Variants in ELMO1 observed in about 807,000 individuals in gnomAD.
ELMO1 encodes the protein engulfment and cell motility 1, also known as engulfment and cell motility protein 1.
Under a neutral mutation model 98.9 loss-of-function variants are expected in ELMO1, and 26 were observed. The ratio of observed to expected loss-of-function variants is 0.26; its 90% CI spans 0.19 to 0.36. The LOEUF (loss-of-function observed/expected upper bound fraction) is 0.36. ELMO1 is among the 10% of genes least tolerant of loss of function. The pLI is 1.00. For synonymous variants in ELMO1, 346 were observed against 346.0 expected (o/e 1.00, Z 0.00); for missense variants, 627 against 935.2 (o/e 0.67, Z 4.30).
At chr7:37,179,614 A>G (rs957271594) in intron 13 of ELMO1, among the ~76,000 whole-genome samples, 6 of 152,290 alleles carry the variant, frequency 3.9e-5, no homozygotes, top group African/African-American at 1.4e-4. Flanking sequence ...ACAAAAGGCA[A>G]AATATTTTAG....
intron 13 of ELMO1, among the ~76,000 whole-genome samples, chr7:37,157,584 A>C (rs1396053528): frequency 6.6e-6 from 1 of 152,216 alleles, no homozygotes; most frequent in African/African-American, 2.4e-5. Context: ...TAAAATACCT[A>C]GGAATCCAAC....
intron 13 of ELMO1, among the ~76,000 whole-genome samples, chr7:37,160,007 G>A (rs1789094331): frequency 6.6e-6 from 1 of 152,130 alleles, no homozygotes; most frequent in African/African-American, 2.4e-5. Flanking sequence ...AAAGCACAAT[G>A]AAACTAGTAT....
At chr7:37,082,440 A>T (rs946117355) in intron 15 of ELMO1, among the ~76,000 whole-genome samples, 4 of 152,166 alleles carry the variant, frequency 2.6e-5, no homozygotes, top group Admixed American at 2.0e-4. Context: ...ACGGTGGCTC[A>T]TGTCTGTAAT....
intron 7 of ELMO1, among the ~76,000 whole-genome samples, chr7:37,243,477 C>T (rs1794853610): frequency 6.6e-6 from 1 of 152,164 alleles, no homozygotes; most frequent in Non-Finnish European, 1.5e-5. Flanking sequence ...GTATTAAATA[C>T]ATCAAAATGA....
chr7:36,855,392 G>A lies in ELMO1; in HGVS notation c.*159C>T, dbSNP rs1802120630. 1.2e-6 allele frequency: 1 copy of A among 859,896 alleles called. No individual in the cohort carries two copies. Among genetic ancestry groups the A allele is most frequent in the Non-Finnish European group, 1.8e-6 (1 of 548,712 alleles). The allele number at this position is 859,896 out of a possible 1,614,324, so 53.3% of individuals were successfully genotyped here. ...GCGGTGAGCAAGATGCCAGCTAGGG[G>A]CTGAAAGTTGCCAGGGCTAGAGGTG... On this transcript the variant is annotated 3_prime_UTR_variant, in exon 22 of 22. Coordinates refer to ENST00000310758, the MANE Select transcript of ELMO1 (RefSeq NM_014800.11). This position sits in a 1 kb window ranked among gnomAD's most constrained non-coding sequence, Gnocchi z 4.2.
At chr7:37,207,245 C>A (rs58205009) in intron 13 of ELMO1, among the ~76,000 whole-genome samples, 1 of 152,188 alleles carries the variant, frequency 6.6e-6, no homozygotes, top group Non-Finnish European at 1.5e-5. Flanking sequence ...TCCTTAGAAG[C>A]TCCACTAAAA....
At chr7:36,984,846 A>C in intron 16 of ELMO1, 11 of 938,548 alleles carry the variant, frequency 1.2e-5, no homozygotes, top group Non-Finnish European at 1.4e-5. Context: ...TCAGGGGAAA[A>C]GATCTTAGGC....
intron 8 of ELMO1, among the ~76,000 whole-genome samples, chr7:37,232,660 C>A (rs1302902020): frequency 3.3e-5 from 5 of 152,182 alleles, no homozygotes; most frequent in East Asian, 1.9e-4. Context: ...CTCAGGCATC[C>A]CTCCTTTTCA....
intron 13 of ELMO1, among the ~76,000 whole-genome samples, chr7:37,161,871 C>T (rs1187635489): frequency 2.6e-5 from 3 of 117,160 alleles, no homozygotes; most frequent in Non-Finnish European, 5.3e-5. Context: ...TAAAGGCTTC[C>T]ACTAAGGCAT....
At chr7:37,053,940 A>G (rs1022968577) in intron 15 of ELMO1, among the ~76,000 whole-genome samples, 5 of 152,352 alleles carry the variant, frequency 3.3e-5, no homozygotes, top group African/African-American at 1.2e-4. Flanking sequence ...AAAATCTTTA[A>G]TTATGAAATA....
intron 16 of ELMO1, among the ~76,000 whole-genome samples, chr7:36,927,622 C>T (rs893523095): frequency 2.6e-5 from 4 of 152,186 alleles, no homozygotes; most frequent in African/African-American, 9.7e-5. Context: ...GCTTACAGTA[C>T]ACAAGGCAGC....
chr7:37,411,122 T>C (rs1233198031), intron 1 of ELMO1, among the ~76,000 whole-genome samples: 1 of 152,204 alleles, frequency 6.6e-6, no homozygotes, highest in African/African-American at 2.4e-5. Context: ...TAAGAAATAA[T>C]TATGGAGATG....
At chr7:37,392,479 G>C (rs1803123352) in intron 1 of ELMO1, among the ~76,000 whole-genome samples, 1 of 152,242 alleles carries the variant, frequency 6.6e-6, no homozygotes, top group Non-Finnish European at 1.5e-5. Flanking sequence ...TCTAAAGCAT[G>C]AGCACGTCAG....
intron 16 of ELMO1, among the ~76,000 whole-genome samples, chr7:36,898,035 T>G (rs1264210531): frequency 6.6e-6 from 1 of 152,220 alleles, no homozygotes; most frequent in Non-Finnish European, 1.5e-5. Context: ...AGTTCTATGG[T>G]CACTCTGCAT....
At position 37,133,149 on chromosome 7, in the gene ELMO1, T is replaced by A. The variant is rs2129299813; in HGVS notation, c.1172A>T (p.His391Leu). Reference sequence around the variant, plus strand: ...GCTTACCCGGATGTAGGCATCTTGGTGGTGCTTGGCAAAGTACAGCATGTT... The same window carrying A: ...GCTTACCCGGATGTAGGCATCTTGGAGGTGCTTGGCAAAGTACAGCATGTT... ...LDNMLYFAKH[H>L]QDAYIRIVLE... Residue 391 changes from histidine (H) to leucine (L), a missense_variant, in exon 14 of 22, where the codon CAC (histidine) becomes CTC (leucine). Physicochemically the swap from His to Leu is moderately conservative, Grantham distance 99. Around this residue, in one of 3 missense-constraint regions of ELMO1, gnomAD observed 492 missense variants for 715.6 expected, o/e 0.69. Transcript: ENST00000310758. The A allele has an allele frequency of 6.2e-7, 1 of 1,611,542 alleles. No individual in the cohort carries two copies. The highest frequency in any genetic ancestry group is 1.3e-5 in the African/African-American group (1 of 74,900).
At chr7:37,142,393 T>C (rs1787698965) in intron 13 of ELMO1, among the ~76,000 whole-genome samples, 1 of 152,230 alleles carries the variant, frequency 6.6e-6, no homozygotes, top group African/African-American at 2.4e-5. Context: ...TATTTTGTAC[T>C]TTACATGTAT....
chr7:37,208,905 C>G (rs931434693), intron 13 of ELMO1, among the ~76,000 whole-genome samples: 1 of 152,086 alleles, frequency 6.6e-6, no homozygotes, highest in African/African-American at 2.4e-5. Flanking sequence ...AACCAACACT[C>G]TCTTATGATT....
At chr7:37,328,383 CAAAAA>C (rs10669717) in intron 2 of ELMO1, among the ~76,000 whole-genome samples, 12 of 64,854 alleles carry the variant, frequency 1.9e-4, no homozygotes, top group Admixed American at 6.2e-4. Flanking sequence ...GACCCTGCCA[CAAAAA>C]AAAAAAAAAA....
At chr7:37,306,106 C>T (rs1798602791) in intron 4 of ELMO1, among the ~76,000 whole-genome samples, 1 of 152,162 alleles carries the variant, frequency 6.6e-6, no homozygotes, top group Non-Finnish European at 1.5e-5. Context: ...CCTGAAATGG[C>T]AGTCATTTAA....
Sources: allele counts gnomAD v4.1 joint callset (sites outside exome capture counted in the v4.1 genomes callset), GRCh38; gene constraint gnomAD v4.1.1; regional missense constraint gnomAD v4.1.1; non-coding constraint Gnocchi (gnomAD v3.1); transcripts MANE v1.5; gene names NCBI Gene and HGNC (gene_info 2026-07-23, HGNC 2026-07-21).